The following PPP1R37 variants were observed in gnomAD, a reference collection of about 807,000 sequenced individuals.
The protein encoded by PPP1R37 is leucine rich repeat containing 68.
PPP1R37 carries 21 observed loss-of-function variants against 61.0 expected under a neutral mutation model. That is an observed-to-expected ratio of 0.34 (90% CI 0.24 to 0.50). PPP1R37 has a LOEUF of 0.50. PPP1R37 is among the 20% of genes least tolerant of loss of function. PPP1R37 has a pLI of 0.98. For synonymous variants in PPP1R37, 443 were observed against 433.5 expected, an observed-to-expected ratio of 1.02 and a Z score of -0.27; for missense variants, 910 against 952.7, an observed-to-expected ratio of 0.96 and a Z score of 0.59.
intron 2 of PPP1R37, 108 bp from the exon 3 acceptor site, chr19:45,140,128 A>G (rs1968590918): frequency 5.0e-6 from 5 of 996,212 alleles, no homozygotes; most frequent in Non-Finnish European, 7.5e-6. Context: ...CCTTCGCCCA[A>G]ACCCCACCCC....
Position 45,093,250 on chromosome 19 carries a change from G to T in PPP1R37, c.-76G>T, listed in dbSNP as rs1281423602. The T allele has an allele frequency of 1.4e-5, 16 of 1,184,282 alleles. No homozygotes were observed. The highest frequency in any genetic ancestry group is 1.7e-5 in the Non-Finnish European group (16 of 915,750). The allele number at this position is 1,184,282 out of a possible 1,614,324, so 73.4% of individuals were successfully genotyped here. A position where few individuals can be genotyped will look rare whatever the true frequency, so the allele number is the denominator to read the frequency against. On this transcript the variant is annotated 5_prime_UTR_variant, in exon 1 of 13. Coordinates refer to ENST00000221462, the MANE Select transcript of PPP1R37 (RefSeq NM_019121.2). Reference sequence around the variant, plus strand: ...GGCGGCGGAGCCCATGCCCCGGGACGGCGGGCGGACCCGGAGAGACAAATC... The same window carrying T: ...GGCGGCGGAGCCCATGCCCCGGGACTGCGGGCGGACCCGGAGAGACAAATC...
At chr19:45,124,827 C>T (rs1180365250) in intron 1 of PPP1R37, among the ~76,000 whole-genome samples, 3 of 150,724 alleles carry the variant, frequency 2.0e-5, no homozygotes, top group Non-Finnish European at 4.4e-5. Context: ...AAAAACTGGC[C>T]AAGCATGGTA....
chr19:45,119,045 A>G (rs1968305892), intron 1 of PPP1R37, among the ~76,000 whole-genome samples: 1 of 151,532 alleles, frequency 6.6e-6, no homozygotes, highest in African/African-American at 2.4e-5. Context: ...GCTGGAGTGC[A>G]GTGGTGTGAT....
At chr19:45,132,930 C>G (rs1968496398) in intron 1 of PPP1R37, among the ~76,000 whole-genome samples, 1 of 152,220 alleles carries the variant, frequency 6.6e-6, no homozygotes, top group South Asian at 2.1e-4. Context: ...TACTAACTCA[C>G]TCACTCGCCA....
At chr19:45,117,226 C>G (rs1038122121) in intron 1 of PPP1R37, among the ~76,000 whole-genome samples, 2 of 151,936 alleles carry the variant, frequency 1.3e-5, no homozygotes, top group South Asian at 2.1e-4. Flanking sequence ...AGGTGACTTT[C>G]GAGTTGAGAT....
At chr19:45,128,338 A>G (rs1318962635) in intron 1 of PPP1R37, among the ~76,000 whole-genome samples, 2 of 152,208 alleles carry the variant, frequency 1.3e-5, no homozygotes, top group Non-Finnish European at 2.9e-5. Flanking sequence ...TTGTTTATAT[A>G]CTATCTATTA....
chr19:45,103,021 G>A (rs977217019), intron 1 of PPP1R37, among the ~76,000 whole-genome samples: 17 of 152,212 alleles, frequency 1.1e-4, no homozygotes, highest in Non-Finnish European at 2.9e-5. Flanking sequence ...CGAGAGATCC[G>A]TCATGCTTGG....
At position 45,146,056 on chromosome 19, in the gene PPP1R37, G is replaced by A; in HGVS notation, c.1993+7G>A. 1 of 1,523,006 alleles carries A rather than the reference G, an allele frequency of 6.6e-7. No homozygotes were observed. The highest frequency in any genetic ancestry group is 1.2e-5 in the South Asian group (1 of 82,548). The allele number at this position is 1,523,006 out of a possible 1,614,324, so 94.3% of individuals were successfully genotyped here. Reference sequence around the variant, plus strand: ...AGCTGCGGCCTGGAGCACGGTGAGAGGGGCCCTAGGGCAGGTGTTGAGGGG... The same window carrying A: ...AGCTGCGGCCTGGAGCACGGTGAGAAGGGCCCTAGGGCAGGTGTTGAGGGG... On this transcript the variant is annotated splice_region_variant and intron_variant, in intron 11 of 12. Transcript: ENST00000221462.
Position 45,142,087 on chromosome 19 carries a change from C to T in PPP1R37, c.594C>T (p.Ala198=), listed in dbSNP as rs1377070572. The T allele has an allele frequency of 3.3e-6, 5 of 1,528,226 alleles. No homozygotes were observed. The highest frequency in any genetic ancestry group is 2.7e-5 in the African/African-American group (2 of 72,832). 94.7% of individuals were successfully genotyped at this position (1,528,226 alleles called of 1,614,324 possible). A position where few individuals can be genotyped will look rare whatever the true frequency, so the allele number is the denominator to read the frequency against. The change falls in exon 6 of 13, where the codon GCC becomes GCT. Residue 198 remains alanine (A), a synonymous_variant. Coordinates refer to ENST00000221462, the MANE Select transcript of PPP1R37 (RefSeq NM_019121.2). The part of the protein sequence containing the change: ...RKTSCLQYLD[A]RNTPLLDHSA... The stretch of plus-strand genomic sequence containing the variant: ...CGAGCTGCCTGCAGTATCTGGACGC[C>T]CGCAACACGCCCCTGCTGGACCACT...
intron 1 of PPP1R37, among the ~76,000 whole-genome samples, chr19:45,116,818 A>G (rs1471764546): frequency 6.7e-6 from 1 of 149,676 alleles, no homozygotes; most frequent in Non-Finnish European, 1.5e-5. Flanking sequence ...GTGTCCAGTG[A>G]GGAGGCAGAG....
intron 1 of PPP1R37, chr19:45,128,930 A>C: frequency 1.4e-6 from 1 of 733,220 alleles, no homozygotes; most frequent in Non-Finnish European, 2.4e-6. Context: ...GACCTTGGCA[A>C]GGAGATGAGC....
rs1181236126 is a variant in PPP1R37 at position 45,126,603 on chromosome 19, A to G, written c.203-11911A>G. ...CCTCCCCGGCTTGAGAATTCTGGAAAATACCACAATAAGTGTTTCTTTTCT... is the reference window on the plus strand; with the variant it reads ...CCTCCCCGGCTTGAGAATTCTGGAAGATACCACAATAAGTGTTTCTTTTCT... On this transcript the variant is annotated intron_variant, in intron 1 of 12. Transcript: ENST00000221462. Among the ~76,000 whole-genome samples the G allele has an allele frequency of 2.0e-5, 3 of 152,210 alleles. No homozygotes were observed. In the East Asian group the frequency reaches 5.8e-4, roughly 29 times the overall value.
chr19:45,093,830 C>T (rs1480635205), intron 1 of PPP1R37, among the ~76,000 whole-genome samples: 4 of 152,030 alleles, frequency 2.6e-5, no homozygotes, highest in Non-Finnish European at 4.4e-5. Flanking sequence ...AGTGTGGCAG[C>T]CTTTGCGTTC....
chr19:45,144,799 TG>T, intron 8 of PPP1R37, 54 bp from the exon 9 acceptor site: 1 of 1,436,658 alleles, frequency 7.0e-7, no homozygotes, highest in Non-Finnish European at 9.3e-7. Context: ...CTTGGCCTCC[TG>T]GGTCTCCTCC....
At position 45,102,573 on chromosome 19, in the gene PPP1R37, C is replaced by T. The variant is rs200179407; in HGVS notation, c.202+9046C>T. 1.1e-4 allele frequency among the ~76,000 whole-genome samples: 17 copies of T among 152,306 alleles called. No individual in the cohort carries two copies. In the East Asian group the frequency reaches 3.1e-3, roughly 28 times the overall value. On this transcript the variant is annotated intron_variant, in intron 1 of 12. Coordinates refer to ENST00000221462, the MANE Select transcript of PPP1R37 (RefSeq NM_019121.2). ...TGAACTTGACTGGTTCCTGCCTCCC[C>T]CGGCTGTAAGGGTTAGGCAGGTGGG...
At chr19:45,131,704 A>G (rs1004362450) in intron 1 of PPP1R37, among the ~76,000 whole-genome samples, 1 of 152,248 alleles carries the variant, frequency 6.6e-6, no homozygotes, top group Non-Finnish European at 1.5e-5. Flanking sequence ...CCTGGGCAAT[A>G]TAGCAAGACC....
intron 7 of PPP1R37, 56 bp downstream of exon 7, chr19:45,142,514 G>A (rs1469624165): frequency 6.7e-7 from 1 of 1,500,076 alleles, no homozygotes; most frequent in Non-Finnish European, 8.9e-7. Flanking sequence ...ACTCTGCCCG[G>A]CCCTGCGCTA....
intron 1 of PPP1R37, among the ~76,000 whole-genome samples, chr19:45,099,900 A>G (rs1051072552): frequency 2.6e-5 from 4 of 152,062 alleles, no homozygotes; most frequent in African/African-American, 9.7e-5. Flanking sequence ...ACCCATTCTG[A>G]CTCCCGGAAG....
At chr19:45,120,708 C>T (rs943846150) in intron 1 of PPP1R37, among the ~76,000 whole-genome samples, 6 of 152,052 alleles carry the variant, frequency 3.9e-5, no homozygotes, top group Non-Finnish European at 7.4e-5. Context: ...TTGCAACATC[C>T]GCCTCCCAGG....
Sources: allele counts gnomAD v4.1 joint callset (sites outside exome capture counted in the v4.1 genomes callset), GRCh38; gene constraint gnomAD v4.1.1; transcripts MANE v1.5; gene names NCBI Gene and HGNC (gene_info 2026-07-23, HGNC 2026-07-21).